Variants in TNXB observed in about 807,000 individuals in gnomAD.
The protein encoded by TNXB is tenascin-X.
A neutral mutation model predicts 340.5 loss-of-function variants in TNXB; 183 were observed. The ratio of observed to expected loss-of-function variants is 0.54; its 90% CI spans 0.48 to 0.61. The LOEUF is 0.61. Among genes scored for constraint, TNXB ranks in the 20% least tolerant of loss-of-function variants. TNXB has a pLI of 0.00. For synonymous variants in TNXB, 2,121 were observed against 2,314.5 expected, an observed-to-expected ratio of 0.92 and a Z score of 2.40; for missense variants, 4,613 against 5,446.4, an observed-to-expected ratio of 0.85 and a Z score of 4.82.
intron 1 of TNXB, among the ~76,000 whole-genome samples, chr6:32,106,990 C>G (rs1173808667): frequency 1.3e-5 from 2 of 152,276 alleles, no homozygotes; most frequent in Non-Finnish European, 2.9e-5. Context: ...CCCATGCACA[C>G]ACGTGCACAC....
At chr6:32,099,438 G>C (rs2127296504) in intron 1 of TNXB, among the ~76,000 whole-genome samples, 1 of 152,182 alleles carries the variant, frequency 6.6e-6, no homozygotes, top group Non-Finnish European at 1.5e-5. Context: ...TCACCATGTA[G>C]GCAGGCTGGT....
At position 32,068,950 on chromosome 6, in the gene TNXB, A is replaced by C. The variant is rs770877459; in HGVS notation, c.5774T>G (p.Val1925Gly). 6.2e-7 allele frequency: 1 copy of C among 1,612,706 alleles called. No homozygotes were observed. Among genetic ancestry groups the C allele is most frequent in the African/African-American group, 1.3e-5 (1 of 74,888 alleles). The change falls in exon 16 of 44, where the codon GTC becomes GGC. Residue 1925 changes from valine (V) to glycine (G), a missense_variant. Physicochemically the swap from Val to Gly is moderately radical, Grantham distance 109. Around this residue, in one of 7 missense-constraint regions of TNXB, gnomAD observed 4,327 missense variants for 4,859.4 expected, o/e 0.89. Transcript: ENST00000644971. The surrounding 1 kb of genome is among the most constrained non-coding windows in gnomAD (Gnocchi z 5.3). Reference protein sequence around the residue: ...YTDRDGQLQMVRIGGDRNDIT... With the variant: ...YTDRDGQLQMGRIGGDRNDIT... ...GTCATTCCGGTCACCTCCTATGCGG[A>C]CCATTTGGAGTTGCCCGTCTCTATC...
Position 32,108,252 on chromosome 6 carries a change from CCT to C in TNXB, c.-9+927_-9+928del, listed in dbSNP as rs1366476853. ...GTTTCCGAGTTGCTTCCCAGTAGTTCCTCTCAGTTCCACTTCCAGTTGTTTCT... is the reference window on the plus strand; with the variant it reads ...GTTTCCGAGTTGCTTCCCAGTAGTTCCTCAGTTCCACTTCCAGTTGTTTCT... On this transcript the variant is annotated intron_variant, in intron 1 of 43. Coordinates refer to ENST00000644971, the MANE Select transcript of TNXB (RefSeq NM_001365276.2). The surrounding 1 kb of genome is among the most constrained non-coding windows in gnomAD (Gnocchi z 4.8). 7.2e-5 allele frequency among the ~76,000 whole-genome samples: 11 copies of C among 152,128 alleles called. No individual in the cohort carries two copies. The highest frequency in any genetic ancestry group is 1.3e-4 in the Non-Finnish European group (9 of 68,012).
chr6:32,043,862 T>C lies in TNXB; in HGVS notation c.11417A>G (p.Gln3806Arg), dbSNP rs2395085. 3.7e-3 allele frequency: 5,952 copies of C among 1,613,578 alleles called. 26 individuals carry two copies. Among genetic ancestry groups the C allele is most frequent in the South Asian group, 0.013 (1,166 of 91,074 alleles). ...GEPQSVQVDG[Q>R]ARTQKLQGLI... ...CCCCTGGAGTTTCTGGGTCCGGGCC[T>C]GGCCATCCACCTGCACACTCTGAGG... The change falls in exon 35 of 44, where the codon CAG becomes CGG. Residue 3806 changes from glutamine (Q) to arginine (R), a missense_variant. Coordinates refer to ENST00000644971, the MANE Select transcript of TNXB (RefSeq NM_001365276.2).
chr6:32,106,328 G>A (rs1471482541), intron 1 of TNXB, among the ~76,000 whole-genome samples: 1 of 151,984 alleles, frequency 6.6e-6, no homozygotes, highest in Non-Finnish European at 1.5e-5. Context: ...GTGTGAGGGG[G>A]CCAGTCAGGA....
At position 32,069,802 on chromosome 6, in the gene TNXB, C is replaced by T; in HGVS notation, c.5338G>A (p.Glu1780Lys). 1 of 1,609,416 alleles carries T rather than the reference C, an allele frequency of 6.2e-7. No homozygotes were observed. Among genetic ancestry groups the T allele is most frequent in the Non-Finnish European group, 8.5e-7 (1 of 1,177,976 alleles). ...TKRPPKPRLG[E>K]ELQVTTVTQN... ...GTCACGGTGGTCACCTGCAGCTCCT[C>T]CCCCAGACGGGGTTTTGGGGGACGC... Residue 1780 changes from glutamate to lysine, a missense_variant, in exon 15 of 44, where the codon GAG becomes AAG. Coordinates refer to ENST00000644971, the MANE Select transcript of TNXB (RefSeq NM_001365276.2). The surrounding 1 kb of genome is among the most constrained non-coding windows in gnomAD (Gnocchi z 6.2).
rs1779397072 is a variant in TNXB at position 32,081,057 on chromosome 6, G to A, written c.4042+311C>T. 6.6e-6 allele frequency among the ~76,000 whole-genome samples: 1 copy of A among 152,130 alleles called. No homozygotes were observed. Among genetic ancestry groups the A allele is most frequent in the African/African-American group, 2.4e-5 (1 of 41,442 alleles). ...ACTGAGGGGTGAGAACACAGTGACCGAATGGTGAGGACATCTGTGGGGAGG... is the reference window on the plus strand; with the variant it reads ...ACTGAGGGGTGAGAACACAGTGACCAAATGGTGAGGACATCTGTGGGGAGG... On this transcript the variant is annotated intron_variant, in intron 10 of 43. Coordinates refer to ENST00000644971, the MANE Select transcript of TNXB (RefSeq NM_001365276.2). This position sits in a 1 kb window ranked among gnomAD's most constrained non-coding sequence, Gnocchi z 5.1.
chr6:32,088,160 C>A (rs373379731), intron 6 of TNXB, among the ~76,000 whole-genome samples: 6 of 152,258 alleles, frequency 3.9e-5, no homozygotes, highest in East Asian at 1.9e-4. Flanking sequence ...GTCCCGCAGC[C>A]CCCCCATTCC....
At chr6:32,055,563 A>G (rs1777572545) in intron 24 of TNXB, among the ~76,000 whole-genome samples, 1 of 152,032 alleles carries the variant, frequency 6.6e-6, no homozygotes, top group African/African-American at 2.4e-5. Flanking sequence ...GACGCAGAAA[A>G]ATTCTCTTCA....
rs371622048 is a variant in TNXB at position 32,062,247 on chromosome 6, C to T, written c.7078G>A (p.Gly2360Ser). ...TTGTACTTGTTGTCTGGCTCCAGGC[C>T]GGAGATGGTGACCCTGTCCTCATGT... The part of the protein sequence containing the change: ...PGHEDRVTIS[G>S]LEPDNKYKMN... The change falls in exon 20 of 44, where the codon GGC becomes AGC. Residue 2360 changes from glycine (G) to serine (S), a missense_variant. Transcript: ENST00000644971. This position sits in a 1 kb window ranked among gnomAD's most constrained non-coding sequence, Gnocchi z 4.3. 1.4e-5 allele frequency: 23 copies of T among 1,613,112 alleles called. No individual in the cohort carries two copies. The highest frequency in any genetic ancestry group is 4.0e-5 in the African/African-American group (3 of 74,920).
rs1779514070 is a variant in TNXB at position 32,082,292 on chromosome 6, G to A, written c.3480C>T (p.Pro1160=). The A allele has an allele frequency of 6.2e-7, 1 of 1,600,898 alleles. No individual in the cohort carries two copies. The highest frequency in any genetic ancestry group is 8.5e-7 in the Non-Finnish European group (1 of 1,172,492). Residue 1160 remains proline, a synonymous_variant, in exon 9 of 44, where the codon CCC becomes CCT. Transcript: ENST00000644971. The surrounding 1 kb of genome is among the most constrained non-coding windows in gnomAD (Gnocchi z 5.0). ...PQSDPSPGTP[P]HLGNLWVTDP... The stretch of plus-strand genomic sequence containing the variant: ...CTGTCACCCACAGGTTTCCCAGGTG[G>A]GGTGGAGTCCCTGGACTTGGGTCAC...
At position 32,046,678 on chromosome 6, in the gene TNXB, C is replaced by T; in HGVS notation, c.10325-222G>A. On this transcript the variant is annotated intron_variant, in intron 30 of 43. Transcript: ENST00000644971. The surrounding 1 kb of genome is among the most constrained non-coding windows in gnomAD (Gnocchi z 6.9). ...GCTGCTGCCCAAACTCCTTCCTGCCCCGCCCCTTCCCTGCTGTGATCGAGG... is the reference window on the plus strand; with the variant it reads ...GCTGCTGCCCAAACTCCTTCCTGCCTCGCCCCTTCCCTGCTGTGATCGAGG... 1 of 471,400 alleles carries T rather than the reference C, an allele frequency of 2.1e-6. No individual in the cohort carries two copies. 29.2% of individuals were successfully genotyped at this position (471,400 alleles called of 1,614,324 possible).
Position 32,080,138 on chromosome 6 carries a change from A to T in TNXB, c.4043-773T>A, listed in dbSNP as rs1014414139. Among the ~76,000 whole-genome samples the T allele has an allele frequency of 1.3e-5, 2 of 152,194 alleles. No individual in the cohort carries two copies. The highest frequency in any genetic ancestry group is 2.9e-5 in the Non-Finnish European group (2 of 68,036). On this transcript the variant is annotated intron_variant, in intron 10 of 43. Transcript: ENST00000644971. This position sits in a 1 kb window ranked among gnomAD's most constrained non-coding sequence, Gnocchi z 4.3. ...ACTGGGAAGTGAGAGAGTCAGGGAG[A>T]AATTGCAGCTCACTCTGAAAATGCT...
In TNXB at chr6:32,064,822, A is replaced by G; in HGVS notation, c.6840T>C (p.Thr2280=). Residue 2280 remains threonine (T), a splice_region_variant and synonymous_variant, in exon 19 of 44, where the codon ACT becomes ACC. Coordinates refer to ENST00000644971, the MANE Select transcript of TNXB (RefSeq NM_001365276.2). This position sits in a 1 kb window ranked among gnomAD's most constrained non-coding sequence, Gnocchi z 5.3. ...RVGPVSAVGL[T]APGKDEEMAP... is the part of the protein sequence containing the mutation. ...CCCAGTGCCCTACTGCACACTCACC[A>G]GTTAAACCAACAGCAGACACGGGGC... The G allele has an allele frequency of 6.2e-7, 1 of 1,609,804 alleles. No homozygotes were observed. The highest frequency in any genetic ancestry group is 8.5e-7 in the Non-Finnish European group (1 of 1,178,962).
rs1444911711 is a variant in TNXB, at chr6:32,082,629, A to G, written c.3446-303T>C. Among the ~76,000 whole-genome samples the G allele has an allele frequency of 6.6e-6, 1 of 152,168 alleles. No individual in the cohort carries two copies. Among genetic ancestry groups the G allele is most frequent in the African/African-American group, 2.4e-5 (1 of 41,426 alleles). ...ACCAGAGCAGCAGGGAGCTTCAGAA[A>G]GAGGGGAGCCCAGCCAGGCCCTTTC... On this transcript the variant is annotated intron_variant, in intron 8 of 43. Coordinates refer to ENST00000644971, the MANE Select transcript of TNXB (RefSeq NM_001365276.2). The surrounding 1 kb of genome is among the most constrained non-coding windows in gnomAD (Gnocchi z 5.0).
chr6:32,080,327 C>T lies in TNXB; in HGVS notation c.4043-962G>A, dbSNP rs1371388625. The stretch of plus-strand genomic sequence containing the variant: ...CCGGGTTCACGCCATTCTCCTGCCT[C>T]ATCCTCTTGAGTAGCTGGGACTACA... On this transcript the variant is annotated intron_variant, in intron 10 of 43. Coordinates refer to ENST00000644971, the MANE Select transcript of TNXB (RefSeq NM_001365276.2). This position sits in a 1 kb window ranked among gnomAD's most constrained non-coding sequence, Gnocchi z 4.3. Among the ~76,000 whole-genome samples, 1 of 152,136 alleles carries T rather than the reference C, an allele frequency of 6.6e-6. No homozygotes were observed. The highest frequency in any genetic ancestry group is 2.4e-5 in the African/African-American group (1 of 41,428).
Position 32,097,619 on chromosome 6 carries a change from A to G in TNXB, c.404-170T>C. The G allele has an allele frequency of 9.1e-7, 1 of 1,097,674 alleles. No homozygotes were observed. Among genetic ancestry groups the G allele is most frequent in the South Asian group, 1.7e-5 (1 of 59,100 alleles). 68.0% of individuals were successfully genotyped at this position (1,097,674 alleles called of 1,614,324 possible). On this transcript the variant is annotated intron_variant, in intron 2 of 43. Transcript: ENST00000644971. This position sits in a 1 kb window ranked among gnomAD's most constrained non-coding sequence, Gnocchi z 5.9. ...GTATGCAGCCTCTCAGGGCCCTCGC[A>G]TATGCTTTGGTTGACATGTAGCCCA...
intron 1 of TNXB, among the ~76,000 whole-genome samples, chr6:32,102,076 C>T (rs573663570): frequency 6.6e-5 from 10 of 152,204 alleles, no homozygotes; most frequent in African/African-American, 9.6e-5. Flanking sequence ...GGTAAATGTA[C>T]GTTAAAACCA....
chr6:32,051,528 A>C lies in TNXB; in HGVS notation c.9115+1142T>G, dbSNP rs1699589719. Among the ~76,000 whole-genome samples, 1 of 152,242 alleles carries C rather than the reference A, an allele frequency of 6.6e-6. No homozygotes were observed. Among genetic ancestry groups the C allele is most frequent in the African/African-American group, 2.4e-5 (1 of 41,460 alleles). ...TCTTGATAGCTAAGAGGTGGAAGCA[A>C]CCCAGATGTCCATCAATGGATGAAA... On this transcript the variant is annotated intron_variant, in intron 26 of 43. Coordinates refer to ENST00000644971, the MANE Select transcript of TNXB (RefSeq NM_001365276.2). The surrounding 1 kb of genome is among the most constrained non-coding windows in gnomAD (Gnocchi z 4.7).
Sources: gnomAD v4.1 joint callset for allele counts (sites outside exome capture counted in the v4.1 genomes callset) on GRCh38, gnomAD v4.1.1 for gene constraint, gnomAD v4.1.1 regional missense constraint, Gnocchi (gnomAD v3.1) non-coding constraint, MANE v1.5 for transcripts, NCBI Gene and HGNC (gene_info 2026-07-23, HGNC 2026-07-21) for gene names.